The following PTPDC1 variants were observed in gnomAD, a reference collection of about 807,000 sequenced individuals.
PTPDC1 encodes protein tyrosine phosphatase domain-containing protein 1.
Under a neutral mutation model 75.3 loss-of-function variants are expected in PTPDC1, and 53 were observed. The ratio of observed to expected loss-of-function variants is 0.70; its 90% CI spans 0.56 to 0.88. PTPDC1 has a LOEUF of 0.88. Ranked by LOEUF, PTPDC1 falls within the 40% of genes least tolerant of loss-of-function variation. The probability of loss-of-function intolerance (pLI) is 0.00; values close to 1 mark genes in which losing one functional copy is unlikely to be tolerated. For missense variants in PTPDC1, 925 were observed against 998.6 expected (o/e 0.93, Z 0.99); for synonymous variants, 349 against 366.2 (o/e 0.95, Z 0.54).
In PTPDC1 at chr9:94,097,644, A is replaced by T; in HGVS notation, c.1078A>T (p.Met360Leu). The T allele has an allele frequency of 6.2e-7, 1 of 1,614,126 alleles. No homozygotes were observed. Among genetic ancestry groups the T allele is most frequent in the South Asian group, 1.1e-5 (1 of 91,086 alleles). ...LLDLAENRPV[M>L]MKDVSEGPGL... is the part of the protein sequence containing the mutation. ...GGACTTAGCGGAGAACAGGCCAGTG[A>T]TGATGAAGGATGTGTCCGAAGGACC... is the stretch of plus-strand genomic sequence containing the variant. Residue 360 changes from methionine to leucine, a missense_variant, in exon 6 of 9, where the codon ATG becomes TTG. Physicochemically the swap from Met to Leu is conservative, Grantham distance 15 (BLOSUM62 2). Coordinates refer to ENST00000620992, the MANE Select transcript of PTPDC1 (RefSeq NM_001253829.2).
chr9:94,058,358 T>C (rs534416562), intron 1 of PTPDC1, among the ~76,000 whole-genome samples: 1 of 152,194 alleles, frequency 6.6e-6, no homozygotes, highest in African/African-American at 2.4e-5. Context: ...TATGATAGTA[T>C]GATTAAGAAG....
intron 1 of PTPDC1, 141 bp from the exon 2 acceptor site, chr9:94,085,110 G>A (rs1587886130): frequency 1.5e-5 from 11 of 729,170 alleles, no homozygotes; most frequent in Middle Eastern, 3.9e-4. Context: ...CAGGGAAACA[G>A]TTTTGTTTTC....
intron 2 of PTPDC1, among the ~76,000 whole-genome samples, chr9:94,077,248 G>A (rs1826726881): frequency 6.6e-6 from 1 of 152,172 alleles, no homozygotes; most frequent in Non-Finnish European, 1.5e-5. Flanking sequence ...CAGATGTGCG[G>A]GGTTTTTTCC....
At chr9:94,044,846 A>AT (rs34282710) in intron 1 of PTPDC1, among the ~76,000 whole-genome samples, 6 of 150,782 alleles carry the variant, frequency 4.0e-5, no homozygotes, top group Non-Finnish European at 8.9e-5. Flanking sequence ...GTCTCTCACT[A>AT]TTTTTTTTCA....
Position 94,085,185 on chromosome 9 carries a change from A to T in PTPDC1, c.245-66A>T, listed in dbSNP as rs77991548. ...ACCATCCTGAGATAAAATGGAAGCT[A>T]TTTCCCATGTTACAATTTCATTTGG... On this transcript the variant is annotated intron_variant, in intron 1 of 8. Transcript: ENST00000620992. 7,569 of 1,409,180 alleles carry T rather than the reference A, an allele frequency of 5.4e-3. 299 individuals are homozygous for T. In the African/African-American group the frequency reaches 0.091, roughly 17 times the overall value. 87.3% of individuals were successfully genotyped at this position (1,409,180 alleles called of 1,614,324 possible).
intron 1 of PTPDC1, among the ~76,000 whole-genome samples, chr9:94,042,855 GA>G (rs1472279314): frequency 6.6e-6 from 1 of 152,112 alleles, no homozygotes; most frequent in East Asian, 1.9e-4. Flanking sequence ...CAAGTTTAAG[GA>G]ATATTCTAAA....
At chr9:94,047,365 G>C (rs986311937) in intron 1 of PTPDC1, among the ~76,000 whole-genome samples, 6 of 152,154 alleles carry the variant, frequency 3.9e-5, no homozygotes, top group African/African-American at 1.4e-4. Context: ...CTCATAAAAT[G>C]AGTTAGGAAC....
chr9:94,105,827 A>G (rs543746806), intron 8 of PTPDC1, among the ~76,000 whole-genome samples: 30 of 142,116 alleles, frequency 2.1e-4, no homozygotes, highest in African/African-American at 5.0e-4. Flanking sequence ...AAAAAAATTA[A>G]CTGGGTATGG....
At chr9:94,087,949 CAT>C (rs775995422) in intron 3 of PTPDC1, 38 bp downstream of exon 3, 166 of 1,568,150 alleles carry the variant, frequency 1.1e-4, no homozygotes, top group Middle Eastern at 1.7e-4. Context: ...TGAGCAAACT[CAT>C]GTGTTTTTTT....
chr9:94,039,383 A>G (rs1047359459), intron 1 of PTPDC1, among the ~76,000 whole-genome samples: 6 of 152,208 alleles, frequency 3.9e-5, no homozygotes, highest in Non-Finnish European at 8.8e-5. Context: ...TTTAAAATGT[A>G]GCATGAAAGT....
chr9:94,036,914 C>T (rs1825290959), intron 1 of PTPDC1, among the ~76,000 whole-genome samples: 1 of 152,158 alleles, frequency 6.6e-6, no homozygotes, highest in African/African-American at 2.4e-5. Context: ...AGCAATCTAC[C>T]CTTCAAAAGG....
intron 2 of PTPDC1, among the ~76,000 whole-genome samples, chr9:94,076,754 A>G (rs1373320093): frequency 6.6e-6 from 1 of 152,230 alleles, no homozygotes; most frequent in Non-Finnish European, 1.5e-5. Flanking sequence ...AGGAACTGCC[A>G]GACCATTTTC....
chr9:94,090,733 G>A (rs1270326365), intron 4 of PTPDC1, among the ~76,000 whole-genome samples: 2 of 129,068 alleles, frequency 1.5e-5, no homozygotes, highest in African/African-American at 6.1e-5. Flanking sequence ...TCTTCCATTT[G>A]TTTGTGTCCT....
intron 1 of PTPDC1, among the ~76,000 whole-genome samples, chr9:94,061,027 G>A (rs1255558701): frequency 2.0e-5 from 3 of 152,110 alleles, no homozygotes; most frequent in Non-Finnish European, 4.4e-5. Context: ...AGTCTTATCA[G>A]AGACAAGGCT....
rs1011157472 is a variant in PTPDC1 at position 94,055,835 on chromosome 9, T to C, written c.-6-8899T>C. Among the ~76,000 whole-genome samples, 19 of 152,142 alleles carry C rather than the reference T, an allele frequency of 1.2e-4. 1 individual carries two copies. Among genetic ancestry groups the C allele is most frequent in the Non-Finnish European group, 2.5e-4 (17 of 68,020 alleles). ...GGAGCACAGAAGATTTTTAGAGCAG[T>C]GAAATCACTCTGCATGATACTATAG... On this transcript the variant is annotated intron_variant, in intron 1 of 9. Coordinates refer to the PTPDC1 transcript ENST00000375360.
At chr9:94,037,120 C>A (rs1453316909) in intron 1 of PTPDC1, among the ~76,000 whole-genome samples, 4 of 152,164 alleles carry the variant, frequency 2.6e-5, no homozygotes, top group Non-Finnish European at 4.4e-5. Flanking sequence ...CTTGCCTTTG[C>A]AGTCAATCTT....
chr9:94,045,985 A>G (rs1587842462), intron 1 of PTPDC1, among the ~76,000 whole-genome samples: 1 of 152,208 alleles, frequency 6.6e-6, no homozygotes, highest in East Asian at 1.9e-4. Context: ...TAGGTCTAAC[A>G]TTTAAGTCTT....
At chr9:94,078,165 GAAGA>G (rs1356814601) in intron 2 of PTPDC1, among the ~76,000 whole-genome samples, 3 of 152,110 alleles carry the variant, frequency 2.0e-5, no homozygotes, top group Non-Finnish European at 4.4e-5. Context: ...CTTTTAATCT[GAAGA>G]ACCTCCTTTA....
At chr9:94,069,366 A>G (rs1205580579) in intron 2 of PTPDC1, among the ~76,000 whole-genome samples, 1 of 152,156 alleles carries the variant, frequency 6.6e-6, no homozygotes, top group African/African-American at 2.4e-5. Context: ...AGGGTTTTGC[A>G]TCTTGCATAT....
Sources: gnomAD v4.1 joint callset for allele counts (sites outside exome capture counted in the v4.1 genomes callset) on GRCh38, gnomAD v4.1.1 for gene constraint, MANE v1.5 for transcripts, NCBI Gene and HGNC (gene_info 2026-07-23, HGNC 2026-07-21) for gene names.